Variants in LPP observed in about 807,000 individuals in gnomAD.
The protein encoded by LPP is LIM domain containing preferred translocation partner in lipoma.
A neutral mutation model predicts 60.4 loss-of-function variants in LPP; 38 were observed. The ratio of observed to expected loss-of-function variants is 0.63; its 90% confidence interval spans 0.49 to 0.83. LPP has a LOEUF of 0.83. LPP is among the 40% of genes least tolerant of loss of function. The probability of loss-of-function intolerance (pLI) is 0.00; values close to 1 mark genes in which losing one functional copy is unlikely to be tolerated. For synonymous variants in LPP, 328 were observed against 290.8 expected (o/e 1.13, Z -1.30); for missense variants, 902 against 783.6 (o/e 1.15, Z -1.80).
In LPP at chr3:188,610,505, C is replaced by T. The variant is rs1843474532; in HGVS notation, c.1113+661C>T. 6.6e-6 allele frequency among the ~76,000 whole-genome samples: 1 copy of T among 152,138 alleles called. No homozygotes were observed. Among genetic ancestry groups the T allele is most frequent in the Non-Finnish European group, 1.5e-5 (1 of 68,026 alleles). On this transcript the variant is annotated intron_variant, in intron 7 of 11. Coordinates refer to ENST00000617246, the MANE Select transcript of LPP (RefSeq NM_001375462.1). This position sits in a 1 kb window ranked among gnomAD's most constrained non-coding sequence, Gnocchi z 4.4. The stretch of plus-strand genomic sequence containing the variant: ...CAGTATAATGCAGCTTGTTTGTGAC[C>T]CCTTGTTTATTCATTTTACTAATCC...
intron 6 of LPP, among the ~76,000 whole-genome samples, chr3:188,583,489 T>C (rs1228628954): frequency 6.6e-6 from 1 of 152,198 alleles, no homozygotes; most frequent in Non-Finnish European, 1.5e-5. Flanking sequence ...TTAGTTTAAA[T>C]GTCCTTGCTG....
intron 1 of LPP, among the ~76,000 whole-genome samples, chr3:188,155,580 G>A (rs531973885): frequency 5.8e-4 from 89 of 152,304 alleles, no homozygotes; most frequent in African/African-American, 2.1e-3. Flanking sequence ...AAAGGTCCAC[G>A]AAGGTGGGTG....
At chr3:188,330,715 C>T (rs1251547786) in intron 2 of LPP, among the ~76,000 whole-genome samples, 2 of 152,102 alleles carry the variant, frequency 1.3e-5, no homozygotes, top group African/African-American at 4.8e-5. Context: ...ACTCAGGAGG[C>T]TGAGGTGGGA....
intron 9 of LPP, among the ~76,000 whole-genome samples, chr3:188,769,341 T>G (rs1361781016): frequency 6.6e-6 from 1 of 152,160 alleles, no homozygotes; most frequent in Non-Finnish European, 1.5e-5. Flanking sequence ...TGGTATTTAT[T>G]TAGCCCTTTC....
intron 2 of LPP, among the ~76,000 whole-genome samples, chr3:188,240,602 T>A (rs1577481491): frequency 6.6e-6 from 1 of 152,278 alleles, no homozygotes; most frequent in African/African-American, 2.4e-5. Flanking sequence ...GTTAGGATAT[T>A]AGACCAGCAA....
intron 5 of LPP, among the ~76,000 whole-genome samples, chr3:188,504,436 T>A (rs1186917159): frequency 2.6e-5 from 4 of 152,156 alleles, no homozygotes; most frequent in Non-Finnish European, 5.9e-5. Flanking sequence ...TAGAGACAGT[T>A]TCTGTTGGTT....
At chr3:188,257,906 A>G (rs1169728164) in intron 2 of LPP, among the ~76,000 whole-genome samples, 1 of 152,272 alleles carries the variant, frequency 6.6e-6, no homozygotes. Flanking sequence ...TGCAAAGCCT[A>G]TATCCACCTT....
chr3:188,676,065 G>T (rs1356007807), intron 7 of LPP, among the ~76,000 whole-genome samples: 2 of 151,946 alleles, frequency 1.3e-5, no homozygotes, highest in Admixed American at 1.3e-4. Context: ...AATTGGCTTT[G>T]GTCTGTAATA....
chr3:188,253,374 T>C (rs559543705), intron 2 of LPP, among the ~76,000 whole-genome samples: 1 of 152,340 alleles, frequency 6.6e-6, no homozygotes, highest in South Asian at 2.1e-4. Context: ...CTGTATAGTT[T>C]CATTTTTCAC....
At chr3:188,870,139 T>A (rs1414369770) in intron 10 of LPP, among the ~76,000 whole-genome samples, 1 of 151,268 alleles carries the variant, frequency 6.6e-6, no homozygotes, top group Non-Finnish European at 1.5e-5. Flanking sequence ...AATATACATA[T>A]GTGTGTGTGT....
chr3:188,335,504 G>A (rs895097150), intron 2 of LPP, among the ~76,000 whole-genome samples: 3 of 152,052 alleles, frequency 2.0e-5, no homozygotes, highest in African/African-American at 7.2e-5. Flanking sequence ...CTTTTTACAT[G>A]TTTGTCCTTG....
intron 6 of LPP, among the ~76,000 whole-genome samples, chr3:188,585,484 A>C (rs565333142): frequency 7.2e-5 from 11 of 152,132 alleles, no homozygotes; most frequent in Non-Finnish European, 1.5e-4. Flanking sequence ...TTTTCTCACA[A>C]CTCTGACAGC....
At chr3:188,649,288 T>G (rs1052133696) in intron 7 of LPP, among the ~76,000 whole-genome samples, 2 of 152,188 alleles carry the variant, frequency 1.3e-5, no homozygotes, top group Non-Finnish European at 2.9e-5. Context: ...TTAACTAGGA[T>G]TATGGTTACA....
chr3:188,723,065 A>G (rs1484804249), intron 8 of LPP, among the ~76,000 whole-genome samples: 4 of 152,256 alleles, frequency 2.6e-5, no homozygotes, highest in East Asian at 1.9e-4. Flanking sequence ...ATATACCACA[A>G]TGTTCTCGTT....
intron 5 of LPP, among the ~76,000 whole-genome samples, chr3:188,488,183 C>G (rs1006814918): frequency 6.6e-6 from 1 of 152,098 alleles, no homozygotes; most frequent in African/African-American, 2.4e-5. Flanking sequence ...CTTTAGTCCT[C>G]TAGCAGACTT....
At chr3:188,744,347 T>C (rs1376700783) in intron 8 of LPP, among the ~76,000 whole-genome samples, 1 of 152,142 alleles carries the variant, frequency 6.6e-6, no homozygotes. Context: ...CCTTTCATTT[T>C]CTCCACATCC....
At chr3:188,261,364 A>C (rs1208131153) in intron 2 of LPP, among the ~76,000 whole-genome samples, 2 of 152,142 alleles carry the variant, frequency 1.3e-5, no homozygotes, top group South Asian at 4.1e-4. Context: ...ACACAGACAC[A>C]CACACACACA....
At chr3:188,551,173 G>C (rs149881830) in intron 6 of LPP, among the ~76,000 whole-genome samples, 8 of 152,306 alleles carry the variant, frequency 5.3e-5, no homozygotes, top group African/African-American at 1.7e-4. Context: ...CACATGGCTG[G>C]GGAGGACTCA....
At chr3:188,245,117 C>G (rs1289801863) in intron 2 of LPP, among the ~76,000 whole-genome samples, 1 of 151,776 alleles carries the variant, frequency 6.6e-6, no homozygotes, top group Non-Finnish European at 1.5e-5. Flanking sequence ...CTGCCCCCGC[C>G]TTTTTTTTCT....
Sources: allele counts gnomAD v4.1 joint callset (sites outside exome capture counted in the v4.1 genomes callset), GRCh38; gene constraint gnomAD v4.1.1; non-coding constraint Gnocchi (gnomAD v3.1); transcripts MANE v1.5; gene names NCBI Gene and HGNC (gene_info 2026-07-23, HGNC 2026-07-21).